The following MAZ variants were observed in gnomAD, a reference collection of about 807,000 sequenced individuals.
MAZ encodes the protein MYC associated zinc finger protein.
MAZ carries 4 observed loss-of-function variants against 32.7 expected under a neutral mutation model. The observed-to-expected ratio is 0.12, with a 90% confidence interval of 0.06 to 0.28. The LOEUF is 0.28. Ranked by LOEUF, MAZ falls within the 10% of genes least tolerant of loss-of-function variation. The pLI, the probability that MAZ is intolerant of heterozygous loss-of-function variation, is 1.00. For synonymous variants in MAZ, 510 were observed against 297.6 expected (o/e 1.71, Z -7.35); for missense variants, 763 against 667.2 (o/e 1.14, Z -1.58).
chr16:29,807,271 C>A lies in MAZ; in HGVS notation c.486C>A (p.Thr162=). The A allele has an allele frequency of 2.0e-6, 3 of 1,465,780 alleles. No individual in the cohort carries two copies. Among genetic ancestry groups the A allele is most frequent in the Non-Finnish European group, 2.7e-6 (3 of 1,107,438 alleles). 90.8% of individuals were successfully genotyped at this position (1,465,780 alleles called of 1,614,324 possible). A position where few individuals can be genotyped will look rare whatever the true frequency, so the allele number is the denominator to read the frequency against. ...SAATIAAAAA[T]AVVAPTSTVA... is the part of the protein sequence containing the mutation. ...CCACTATCGCCGCGGCGGCGGCCAC[C>A]GCCGTCGTAGCCCCAACCTCGACGG... Residue 162 remains threonine, a synonymous_variant, in exon 2 of 5, where the codon ACC becomes ACA. Transcript: ENST00000322945.
chr16:29,810,236 C>T lies in MAZ; in HGVS notation c.*5C>T. Reference sequence around the variant, plus strand: ...CTTCCCTCCCAACCCTGGTGAGCTCCAAGTTGGTTGCGGGGGAGAGGGGAG... The same window carrying T: ...CTTCCCTCCCAACCCTGGTGAGCTCTAAGTTGGTTGCGGGGGAGAGGGGAG... On this transcript the variant is annotated 3_prime_UTR_variant, in exon 5 of 5. Coordinates refer to ENST00000322945, the MANE Select transcript of MAZ (RefSeq NM_002383.4). 1 of 1,583,834 alleles carries T rather than the reference C, an allele frequency of 6.3e-7. No homozygotes were observed. The highest frequency in any genetic ancestry group is 2.3e-5 in the East Asian group (1 of 43,378).
chr16:29,806,149 A>G, upstream of MAZ: 2 of 1,057,278 alleles, frequency 1.9e-6, no homozygotes, highest in Non-Finnish European at 2.5e-6. Flanking sequence ...TCCGCCATGG[A>G]TCCCAGCAAC....
rs567229805 is a variant in MAZ at position 29,810,145 on chromosome 16, G to A, written c.1348G>A (p.Ala450Thr). The change falls in exon 5 of 5, where the codon GCA (alanine) becomes ACA (threonine). Residue 450 changes from alanine to threonine, a missense_variant. By Grantham distance (58) the Ala-to-Thr change is moderately conservative. Transcript: ENST00000322945. ...AAAAAAAAAV[A>T]APPTAVGSLS... ...GGCAGCGGCAGCAGCGGCAGCAGTA[G>A]CAGCCCCTCCCACAGCTGTGGGCTC... The A allele has an allele frequency of 1.2e-6, 2 of 1,611,536 alleles. No individual in the cohort carries two copies. The highest frequency in any genetic ancestry group is 1.7e-6 in the Non-Finnish European group (2 of 1,179,398).
intron 4 of MAZ, chr16:29,809,684 TG>T (rs769505112): frequency 2.5e-5 from 38 of 1,531,978 alleles, no homozygotes; most frequent in Admixed American, 8.1e-5. Flanking sequence ...CAGACCCATC[TG>T]GGGGGGGCCG....
chr16:29,809,269 C>G (rs1262548069), intron 4 of MAZ: 2 of 546,480 alleles, frequency 3.7e-6, no homozygotes, highest in Non-Finnish European at 6.4e-6. Flanking sequence ...GAGTCAGTGT[C>G]TCGTCATCCT....
In MAZ at chr16:29,808,736, A is replaced by G. The variant is rs753838816; in HGVS notation, c.1274A>G (p.Asn425Ser). 6.8e-6 allele frequency: 11 copies of G among 1,613,688 alleles called. No individual in the cohort carries two copies. In the South Asian group the frequency reaches 7.7e-5, roughly 11 times the overall value. The part of the protein sequence containing the change: ...QGPHHVCELC[N>S]KGTGEVCPMA... ...CCTCACCATGTCTGTGAGCTCTGCA[A>G]CAAAGGTACATGCCGAGGGCTGCCG... The change falls in exon 4 of 5, where the codon AAC (asparagine) becomes AGC (serine). Residue 425 changes from asparagine to serine, a missense_variant. Transcript: ENST00000322945.
At position 29,808,224 on chromosome 16, in the gene MAZ, C is replaced by T. The variant is rs374728191; in HGVS notation, c.1044-6C>T. On this transcript the variant is annotated splice_polypyrimidine_tract_variant and splice_region_variant and intron_variant, in intron 2 of 4. Transcript: ENST00000322945. ...CGCCCTAACCCCAACCCCAACGTGTCCCCAGGCCGGATCACCTCAACAGTC... is the reference window on the plus strand; with the variant it reads ...CGCCCTAACCCCAACCCCAACGTGTTCCCAGGCCGGATCACCTCAACAGTC... 39 of 1,613,550 alleles carry T rather than the reference C, an allele frequency of 2.4e-5. No individual in the cohort carries two copies. The East Asian group carries it at 2.9e-4, about 12-fold the overall frequency.
chr16:29,806,876 G>A lies in MAZ; in HGVS notation c.175G>A (p.Ala59Thr), dbSNP rs763858893. Residue 59 changes from alanine to threonine, a missense_variant, in exon 1 of 5, where the codon GCC (alanine) becomes ACC (threonine). Physicochemically the swap from Ala to Thr is moderately conservative, Grantham distance 58 (BLOSUM62 0). Transcript: ENST00000322945. The stretch of plus-strand genomic sequence containing the variant: ...CCGCTTCTTTGCCTCCCAGGGCTGC[G>A]CCCAGAGTCCATTCCAGGTGAGTAG... ...QSRFFASQGC[A>T]QSPFQAAPAP... The A allele has an allele frequency of 9.2e-6, 13 of 1,420,136 alleles. No homozygotes were observed. The highest frequency in any genetic ancestry group is 2.7e-5 in the South Asian group (2 of 75,386). 88.0% of individuals were successfully genotyped at this position (1,420,136 alleles called of 1,614,324 possible). A position where few individuals can be genotyped will look rare whatever the true frequency, so the allele number is the denominator to read the frequency against.
Position 29,809,221 on chromosome 16 carries a change from A to G in MAZ, c.1279+480A>G, listed in dbSNP as rs1048022407. On this transcript the variant is annotated intron_variant, in intron 4 of 4. Transcript: ENST00000322945. ...CGGGGCACTGGAGGGAAGGGGACAC[A>G]GCCGTCTCTGCTGAGGGTCAACCCT... 20 of 513,872 alleles carry G rather than the reference A, an allele frequency of 3.9e-5. 1 individual carries two copies. In the Admixed American group the frequency reaches 7.1e-4, roughly 18 times the overall value. 31.8% of individuals were successfully genotyped at this position (513,872 alleles called of 1,614,324 possible). A position where few individuals can be genotyped will look rare whatever the true frequency, so the allele number is the denominator to read the frequency against.
In MAZ at chr16:29,807,114, C is replaced by G; in HGVS notation, c.329C>G (p.Ala110Gly). 1 of 1,015,566 alleles carries G rather than the reference C, an allele frequency of 9.8e-7. No individual in the cohort carries two copies. Among genetic ancestry groups the G allele is most frequent in the Non-Finnish European group, 1.2e-6 (1 of 837,406 alleles). 62.9% of individuals were successfully genotyped at this position (1,015,566 alleles called of 1,614,324 possible). Residue 110 changes from alanine (A) to glycine (G), a missense_variant, in exon 2 of 5, where the codon GCT becomes GGT. Ala to Gly is a moderately conservative substitution (Grantham distance 60). Coordinates refer to ENST00000322945, the MANE Select transcript of MAZ (RefSeq NM_002383.4). ...AAAAAAAAAV[A>G]AAPPAPAAAS... Reference sequence around the variant, plus strand: ...GCTGCCGCCGCTGCTGCCGCCGTCGCTGCCGCGCCCCCGGCCCCTGCCGCC... The same window carrying G: ...GCTGCCGCCGCTGCTGCCGCCGTCGGTGCCGCGCCCCCGGCCCCTGCCGCC...
At chr16:29,809,747 G>T (rs2142407342) in intron 4 of MAZ, 1 of 1,431,538 alleles carries the variant, frequency 7.0e-7, no homozygotes, top group South Asian at 1.4e-5. Context: ...TGCTGAGGGG[G>T]ACCCCCGCAC....
chr16:29,807,082 T>C lies in MAZ; in HGVS notation c.297T>C (p.Ala99=), dbSNP rs1430463200. 5.0e-6 allele frequency: 5 copies of C among 1,004,992 alleles called. No individual in the cohort carries two copies. The highest frequency in any genetic ancestry group is 5.9e-6 in the Non-Finnish European group (5 of 841,324). The allele number at this position is 1,004,992 out of a possible 1,614,324, so 62.3% of individuals were successfully genotyped here. ...CCGCCCAGGAGTCCGCCGCGGCTGCTGCGGCCGCTGCCGCCGCTGCTGCCG... is the reference window on the plus strand; with the variant it reads ...CCGCCCAGGAGTCCGCCGCGGCTGCCGCGGCCGCTGCCGCCGCTGCTGCCG... ...LAAAQESAAA[A]AAAAAAAAAV... The change falls in exon 2 of 5, where the codon GCT becomes GCC. Residue 99 remains alanine (A), a synonymous_variant. Transcript: ENST00000322945.
chr16:29,810,297 C>T lies in MAZ; in HGVS notation c.*66C>T, dbSNP rs781545846. On this transcript the variant is annotated 3_prime_UTR_variant, in exon 5 of 5. Transcript: ENST00000322945. Reference sequence around the variant, plus strand: ...AGTCCCTTGGTACAAGCTCCTCTCCCCCCTCTTTTCCCACCAACTCCTATT... The same window carrying T: ...AGTCCCTTGGTACAAGCTCCTCTCCTCCCTCTTTTCCCACCAACTCCTATT... 14 of 1,450,220 alleles carry T rather than the reference C, an allele frequency of 9.7e-6. No individual in the cohort carries two copies. The highest frequency in any genetic ancestry group is 2.4e-5 in the South Asian group (2 of 82,236). The allele number at this position is 1,450,220 out of a possible 1,614,324, so 89.8% of individuals were successfully genotyped here.
rs1567373733 is a variant in MAZ, at chr16:29,810,170, C to T, written c.1373C>T (p.Ser458Phe). 1.2e-6 allele frequency: 2 copies of T among 1,610,762 alleles called. No homozygotes were observed. Among genetic ancestry groups the T allele is most frequent in the Non-Finnish European group, 8.5e-7 (1 of 1,178,778 alleles). The change falls in exon 5 of 5, where the codon TCC (serine) becomes TTC (phenylalanine). Residue 458 changes from serine to phenylalanine, a missense_variant. Transcript: ENST00000322945. ...AVAAPPTAVG[S>F]LSGAEGVPVS... ...GCAGCCCCTCCCACAGCTGTGGGCT[C>T]CCTCTCGGGGGCGGAGGGGGTGCCT...
At position 29,807,221 on chromosome 16, in the gene MAZ, G is replaced by C. The variant is rs930046769; in HGVS notation, c.436G>C (p.Glu146Gln). The C allele has an allele frequency of 2.3e-6, 3 of 1,284,950 alleles. No homozygotes were observed. The highest frequency in any genetic ancestry group is 3.1e-5 in the African/African-American group (2 of 63,676). 79.6% of individuals were successfully genotyped at this position (1,284,950 alleles called of 1,614,324 possible). A position where few individuals can be genotyped will look rare whatever the true frequency, so the allele number is the denominator to read the frequency against. The part of the protein sequence containing the change: ...PPPPVSAPAA[E>Q]AAPPASAATI... ...CCCGCCAGTGTCGGCGCCCGCGGCC[G>C]AGGCCGCGCCCCCCGCCTCCGCCGC... is the stretch of plus-strand genomic sequence containing the variant. The change falls in exon 2 of 5, where the codon GAG becomes CAG. Residue 146 changes from glutamate (E) to glutamine (Q), a missense_variant. Physicochemically the swap from Glu to Gln is conservative, Grantham distance 29. Coordinates refer to ENST00000322945, the MANE Select transcript of MAZ (RefSeq NM_002383.4).
Position 29,810,536 on chromosome 16 carries a change from T to C in MAZ, c.*305T>C, listed in dbSNP as rs958552004. On this transcript the variant is annotated 3_prime_UTR_variant, in exon 5 of 5. Coordinates refer to ENST00000322945, the MANE Select transcript of MAZ (RefSeq NM_002383.4). ...CACTGCCCGTACCCCCTCTCCTCTC[T>C]GTAAGCCCATGCCCTGTCTTCCCAG... 4.3e-6 allele frequency: 3 copies of C among 701,152 alleles called. No homozygotes were observed. The highest frequency in any genetic ancestry group is 7.8e-6 in the Non-Finnish European group (3 of 384,428). 43.4% of individuals were successfully genotyped at this position (701,152 alleles called of 1,614,324 possible).
chr16:29,808,063 C>CGGT, intron 2 of MAZ, 167 bp from the exon 3 acceptor site: 1 of 989,078 alleles, frequency 1.0e-6, no homozygotes, highest in South Asian at 1.5e-5. Flanking sequence ...GCGGCGGCGG[C>CGGT]GGCAGCGGCT....
At position 29,808,769 on chromosome 16, in the gene MAZ, C is replaced by T. The variant is rs369457163; in HGVS notation, c.1279+28C>T. Reference sequence around the variant, plus strand: ...ACATGCCGAGGGCTGCCGGGAGGGCCAGGGGCAGAGGGTGGGCGCCTGGCC... The same window carrying T: ...ACATGCCGAGGGCTGCCGGGAGGGCTAGGGGCAGAGGGTGGGCGCCTGGCC... On this transcript the variant is annotated intron_variant, in intron 4 of 4. Transcript: ENST00000322945. The T allele has an allele frequency of 5.6e-6, 9 of 1,609,184 alleles. No homozygotes were observed. In the African/African-American group the frequency reaches 1.1e-4, roughly 19 times the overall value.
rs1408621910 is a variant in MAZ, at chr16:29,807,563, G to A, written c.778G>A (p.Val260Met). ...GGGTGCCGGCGGCGGCGCTGCCGCA[G>A]TGGCCGCCGGTGGCGTGGTGACCAC... ...EAGAGGGAAA[V>M]AAGGVVTTTA... is the part of the protein sequence containing the mutation. The change falls in exon 2 of 5, where the codon GTG (valine) becomes ATG (methionine). Residue 260 changes from valine to methionine, a missense_variant. Transcript: ENST00000322945. 1 of 1,605,670 alleles carries A rather than the reference G, an allele frequency of 6.2e-7. No homozygotes were observed. The highest frequency in any genetic ancestry group is 2.2e-5 in the East Asian group (1 of 44,628).
Sources: gnomAD v4.1 joint callset for allele counts on GRCh38, gnomAD v4.1.1 for gene constraint, MANE v1.5 for transcripts, NCBI Gene and HGNC (gene_info 2026-07-23, HGNC 2026-07-21) for gene names.